Variants in HS3ST4 observed in about 807,000 individuals in gnomAD.
The protein encoded by HS3ST4 is heparan sulfate glucosamine 3-O-sulfotransferase 4.
In HS3ST4, 17 loss-of-function variants were observed where a neutral mutation model predicts 29.2. The observed-to-expected ratio is 0.58, with a 90% CI of 0.40 to 0.87. The LOEUF is 0.87. Among genes scored for constraint, HS3ST4 ranks in the 40% least tolerant of loss-of-function variants. The pLI is 0.00. For synonymous variants in HS3ST4, 314 were observed against 285.7 expected (o/e 1.10, Z -1.00); for missense variants, 627 against 634.5 (o/e 0.99, Z 0.13).
intron 1 of HS3ST4, among the ~76,000 whole-genome samples, chr16:25,699,543 A>C (rs1348750387): frequency 6.6e-6 from 1 of 152,210 alleles, no homozygotes; most frequent in African/African-American, 2.4e-5. Context: ...AGTTAGAAAA[A>C]CTGGATTCCA....
intron 1 of HS3ST4, among the ~76,000 whole-genome samples, chr16:25,788,002 C>CAAATGTT (rs1319872604): frequency 6.6e-6 from 1 of 152,096 alleles, no homozygotes; most frequent in African/African-American, 2.4e-5. Context: ...TTTGAACAGT[C>CAAATGTT]AGGGCTGTTA....
chr16:26,026,062 C>T (rs928342452), intron 1 of HS3ST4, among the ~76,000 whole-genome samples: 6 of 152,204 alleles, frequency 3.9e-5, no homozygotes, highest in African/African-American at 1.4e-4. Context: ...GCGTGTGCCA[C>T]CATGCCCAGC....
intron 1 of HS3ST4, among the ~76,000 whole-genome samples, chr16:25,884,573 T>C (rs1596602128): frequency 6.6e-6 from 1 of 152,242 alleles, no homozygotes; most frequent in Non-Finnish European, 1.5e-5. Flanking sequence ...CTTGTTGGTT[T>C]GTTTGTTTTT....
At chr16:26,057,086 T>A (rs989790293) in intron 1 of HS3ST4, among the ~76,000 whole-genome samples, 1 of 152,192 alleles carries the variant, frequency 6.6e-6, no homozygotes, top group Admixed American at 6.5e-5. Flanking sequence ...AGAGCACTTT[T>A]GGATTTTGGA....
chr16:25,854,650 G>A (rs1260802190), intron 1 of HS3ST4, among the ~76,000 whole-genome samples: 2 of 151,968 alleles, frequency 1.3e-5, no homozygotes, highest in Non-Finnish European at 2.9e-5. Flanking sequence ...TGACATTTTT[G>A]CCTCTCCTGT....
intron 1 of HS3ST4, among the ~76,000 whole-genome samples, chr16:26,120,519 T>G (rs900485173): frequency 3.9e-5 from 6 of 152,234 alleles, no homozygotes; most frequent in African/African-American, 1.4e-4. Flanking sequence ...CTGAATTTAC[T>G]CAGCAGAAAG....
chr16:25,760,016 A>G (rs1045970731), intron 1 of HS3ST4, among the ~76,000 whole-genome samples: 2 of 152,194 alleles, frequency 1.3e-5, no homozygotes, highest in Non-Finnish European at 2.9e-5. Context: ...ACTGAGGCTA[A>G]CAGAGATGAA....
chr16:25,916,576 C>T lies in HS3ST4; in HGVS notation c.735-219036C>T, dbSNP rs552227984. 3.3e-4 allele frequency among the ~76,000 whole-genome samples: 50 copies of T among 150,858 alleles called. 1 individual carries two copies. The highest frequency in any genetic ancestry group is 2.2e-4 in the African/African-American group (9 of 41,060). ...AAGGTTTCTCCATGTTGGTCAGGCT[C>T]GTCTGAAACTCCTGACCTCAGATGA... On this transcript the variant is annotated intron_variant, in intron 1 of 1. Transcript: ENST00000331351.
chr16:25,815,289 G>C (rs1967082149), intron 1 of HS3ST4, among the ~76,000 whole-genome samples: 1 of 152,166 alleles, frequency 6.6e-6, no homozygotes, highest in Admixed American at 6.5e-5. Context: ...TGCAGGGTTT[G>C]TGGGGCCCTC....
At chr16:26,038,800 C>T (rs1441960090) in intron 1 of HS3ST4, among the ~76,000 whole-genome samples, 1 of 152,160 alleles carries the variant, frequency 6.6e-6, no homozygotes, top group Non-Finnish European at 1.5e-5. Flanking sequence ...TCTCCTGCCT[C>T]AGCCTCCCGA....
chr16:25,763,054 G>A (rs900668348), intron 1 of HS3ST4, among the ~76,000 whole-genome samples: 1 of 151,938 alleles, frequency 6.6e-6, no homozygotes, highest in Non-Finnish European at 1.5e-5. Flanking sequence ...AGCTGGTCTC[G>A]TCTACCTGAT....
intron 1 of HS3ST4, among the ~76,000 whole-genome samples, chr16:25,710,833 T>TTTTC (rs1324852517): frequency 7.3e-6 from 1 of 136,874 alleles, no homozygotes; most frequent in African/African-American, 2.8e-5. Context: ...TTTTTTTTTT[T>TTTTC]AATGACAGGA....
At chr16:25,694,352 T>C (rs985222089) in intron 1 of HS3ST4, among the ~76,000 whole-genome samples, 32 of 152,370 alleles carry the variant, frequency 2.1e-4, no homozygotes, top group African/African-American at 7.0e-4. Flanking sequence ...TGCATTATGA[T>C]TGATTTCTTC....
chr16:25,949,433 T>A (rs1345492238), intron 1 of HS3ST4, among the ~76,000 whole-genome samples: 1 of 152,196 alleles, frequency 6.6e-6, no homozygotes, highest in Admixed American at 6.5e-5. Flanking sequence ...TTTCTAGTGA[T>A]GTTTTTGATT....
chr16:25,796,221 G>A (rs1000033490), intron 1 of HS3ST4, among the ~76,000 whole-genome samples: 4 of 152,040 alleles, frequency 2.6e-5, no homozygotes, highest in South Asian at 4.2e-4. Flanking sequence ...TTAACCTGTC[G>A]CAGTCATTGA....
chr16:25,874,064 C>A (rs754583000), intron 1 of HS3ST4, among the ~76,000 whole-genome samples: 1 of 152,118 alleles, frequency 6.6e-6, no homozygotes, highest in Non-Finnish European at 1.5e-5. Flanking sequence ...ACTCATCTAT[C>A]CATATGTTTT....
chr16:26,023,141 T>G (rs1232624323), intron 1 of HS3ST4, among the ~76,000 whole-genome samples: 1 of 152,218 alleles, frequency 6.6e-6, no homozygotes, highest in Non-Finnish European at 1.5e-5. Context: ...TTCTTAAGCA[T>G]TTTTTCATGT....
At chr16:25,822,699 G>C (rs903096449) in intron 1 of HS3ST4, among the ~76,000 whole-genome samples, 3 of 151,950 alleles carry the variant, frequency 2.0e-5, no homozygotes, top group African/African-American at 7.3e-5. Flanking sequence ...GAGGGTGGGT[G>C]GGGGAAGAAG....
At chr16:26,044,023 G>A (rs753379595) in intron 1 of HS3ST4, among the ~76,000 whole-genome samples, 2 of 152,230 alleles carry the variant, frequency 1.3e-5, no homozygotes, top group African/African-American at 2.4e-5. Flanking sequence ...GGAAATTGAA[G>A]CACAGAGAAG....
Sources: gnomAD v4.1 joint callset for allele counts (sites outside exome capture counted in the v4.1 genomes callset) on GRCh38, gnomAD v4.1.1 for gene constraint, MANE v1.5 for transcripts, NCBI Gene and HGNC (gene_info 2026-07-23, HGNC 2026-07-21) for gene names.